RUNX2: variants seen among roughly 807,000 people sequenced by gnomAD.
The protein encoded by RUNX2 is RUNX family transcription factor 2, also known as runt-related transcription factor 2.
RUNX2 carries 10 observed loss-of-function variants against 51.7 expected under a neutral mutation model. That is an observed-to-expected ratio of 0.19 (90% CI 0.12 to 0.33). The LOEUF (loss-of-function observed/expected upper bound fraction) is 0.33. Among genes scored for constraint, RUNX2 ranks in the 10% least tolerant of loss-of-function variants. RUNX2 has a pLI of 1.00. For synonymous variants in RUNX2, 276 were observed against 273.6 expected, an observed-to-expected ratio of 1.01 and a Z score of -0.09; for missense variants, 562 against 691.3, an observed-to-expected ratio of 0.81 and a Z score of 2.10.
At chr6:45,413,331 G>GAC (rs149288886) in intron 2 of RUNX2, among the ~76,000 whole-genome samples, 7 of 150,902 alleles carry the variant, frequency 4.6e-5, no homozygotes, top group Non-Finnish European at 7.4e-5. Flanking sequence ...GTAAGCACAG[G>GAC]ACACACACAC....
At chr6:45,330,871 A>G in intron 2 of RUNX2, among the ~76,000 whole-genome samples, 1 of 151,970 alleles carries the variant, frequency 6.6e-6, no homozygotes, top group East Asian at 1.9e-4. Flanking sequence ...TGAGTAGTGG[A>G]CATCATGTAT....
chr6:45,547,988 T>C lies in RUNX2; in HGVS notation c.*683T>C, dbSNP rs1802457626. The C allele has an allele frequency of 6.6e-6, 1 of 151,866 alleles. No individual in the cohort carries two copies. Among genetic ancestry groups the C allele is most frequent in the Non-Finnish European group, 1.5e-5 (1 of 67,990 alleles). The allele number at this position is 151,866 out of a possible 1,614,324, so 9.4% of individuals were successfully genotyped here. On this transcript the variant is annotated 3_prime_UTR_variant, in exon 9 of 9. Transcript: ENST00000647337. ...TTATTTTACTTTTTAACACTCCTTC[T>C]CCCCTTTTCCCACTGAACCAAAAAG...
In RUNX2 at chr6:45,441,455, C is replaced by A. The variant is rs1409512579; in HGVS notation, c.685+3404C>A. ...CATCTTTTATGTGAGAATGATAATA[C>A]CTTCCTCATCAGTTGCTGCAAGAAT... On this transcript the variant is annotated intron_variant, in intron 5 of 8. Coordinates refer to ENST00000647337, the MANE Select transcript of RUNX2 (RefSeq NM_001024630.4). Among the ~76,000 whole-genome samples the A allele has an allele frequency of 2.0e-5, 3 of 152,178 alleles. No homozygotes were observed. In the East Asian group the frequency reaches 5.8e-4, roughly 29 times the overall value.
chr6:45,362,407 G>A (rs1197529430), intron 2 of RUNX2, among the ~76,000 whole-genome samples: 1 of 152,102 alleles, frequency 6.6e-6, no homozygotes, highest in South Asian at 2.1e-4. Flanking sequence ...GCAGCAGTAG[G>A]GAGTCACAGA....
intron 5 of RUNX2, among the ~76,000 whole-genome samples, chr6:45,466,269 C>T (rs1200882907): frequency 5.9e-5 from 9 of 151,542 alleles, no homozygotes; most frequent in Non-Finnish European, 1.0e-4. Context: ...GCCGAGATCC[C>T]GCCATTGCAC....
In RUNX2 at chr6:45,381,405, T is replaced by G. The variant is rs1797238571; in HGVS notation, c.59-41188T>G. Among the ~76,000 whole-genome samples, 6 of 152,322 alleles carry G rather than the reference T, an allele frequency of 3.9e-5. No individual in the cohort carries two copies. The South Asian group carries it at 1.2e-3, about 32-fold the overall frequency. On this transcript the variant is annotated intron_variant, in intron 2 of 8. Coordinates refer to ENST00000647337, the MANE Select transcript of RUNX2 (RefSeq NM_001024630.4). ...AATTTCAGCATTTGTGCTACAAAAA[T>G]TACAAAAGTATTCAGGGCTTTTCTT...
intron 6 of RUNX2, among the ~76,000 whole-genome samples, chr6:45,509,036 T>C (rs1270218580): frequency 6.6e-6 from 1 of 152,184 alleles, no homozygotes; most frequent in Non-Finnish European, 1.5e-5. Context: ...TTAATATTTA[T>C]TTTTAATAAT....
chr6:45,502,644 G>A (rs1400825302), intron 6 of RUNX2, among the ~76,000 whole-genome samples: 2 of 152,190 alleles, frequency 1.3e-5, no homozygotes, highest in African/African-American at 4.8e-5. Flanking sequence ...CGAAGCCTGA[G>A]TGCAGCCCCT....
At chr6:45,444,819 C>T (rs1798945205) in intron 5 of RUNX2, among the ~76,000 whole-genome samples, 4 of 152,134 alleles carry the variant, frequency 2.6e-5, no homozygotes, top group Non-Finnish European at 2.9e-5. Context: ...TACGCTGTTC[C>T]ACCTAGTTCT....
intron 6 of RUNX2, among the ~76,000 whole-genome samples, chr6:45,507,745 G>A (rs190296750): frequency 1.3e-5 from 2 of 152,246 alleles, no homozygotes; most frequent in Non-Finnish European, 2.9e-5. Flanking sequence ...GGATATCAAC[G>A]TGACTAACAC....
chr6:45,506,614 G>A (rs1002388526), intron 6 of RUNX2, among the ~76,000 whole-genome samples: 1 of 152,036 alleles, frequency 6.6e-6, no homozygotes, highest in African/African-American at 2.4e-5. Flanking sequence ...ATGAATTATA[G>A]TTTTTAAAAA....
chr6:45,366,894 T>C (rs1435669055), intron 2 of RUNX2, among the ~76,000 whole-genome samples: 1 of 152,170 alleles, frequency 6.6e-6, no homozygotes, highest in Non-Finnish European at 1.5e-5. Flanking sequence ...ATCTTCTATC[T>C]CCATCTCAGT....
intron 5 of RUNX2, among the ~76,000 whole-genome samples, chr6:45,441,224 T>G (rs1798833697): frequency 6.6e-6 from 1 of 152,218 alleles, no homozygotes; most frequent in Non-Finnish European, 1.5e-5. Flanking sequence ...CGGTTCCTGT[T>G]GTTGGAATTT....
intron 7 of RUNX2, among the ~76,000 whole-genome samples, chr6:45,523,080 C>G (rs923989377): frequency 2.6e-5 from 4 of 152,070 alleles, no homozygotes; most frequent in Admixed American, 2.6e-4. Flanking sequence ...ATAGTCTTGA[C>G]AGGTCTATTA....
intron 2 of RUNX2, among the ~76,000 whole-genome samples, chr6:45,386,947 T>A (rs1216362311): frequency 6.6e-6 from 1 of 152,160 alleles, no homozygotes; most frequent in Non-Finnish European, 1.5e-5. Flanking sequence ...TGCTTTTTAG[T>A]TGACAGTAAT....
chr6:45,338,554 T>C (rs1216115429), intron 2 of RUNX2, among the ~76,000 whole-genome samples: 2 of 152,048 alleles, frequency 1.3e-5, no homozygotes, highest in Non-Finnish European at 2.9e-5. Context: ...ACCAAGTGTA[T>C]TTCAGTGTCA....
intron 5 of RUNX2, among the ~76,000 whole-genome samples, chr6:45,474,687 T>A (rs1271195918): frequency 2.0e-5 from 3 of 152,164 alleles, no homozygotes; most frequent in African/African-American, 7.2e-5. Flanking sequence ...TCATTTCTTA[T>A]CCTAGAGGAA....
At chr6:45,443,063 T>TG (rs1491016766) in intron 5 of RUNX2, among the ~76,000 whole-genome samples, 1 of 105,296 alleles carries the variant, frequency 9.5e-6, no homozygotes, top group African/African-American at 3.6e-5. Context: ...TTTTTTTTTT[T>TG]TGAGATGAGG....
chr6:45,386,895 G>T (rs954678451), intron 2 of RUNX2, among the ~76,000 whole-genome samples: 2 of 152,060 alleles, frequency 1.3e-5, no homozygotes, highest in African/African-American at 4.8e-5. Flanking sequence ...AATAAAAGAT[G>T]GTGAGCCTTG....
Sources: gnomAD v4.1 joint callset for allele counts (sites outside exome capture counted in the v4.1 genomes callset) on GRCh38, gnomAD v4.1.1 for gene constraint, MANE v1.5 for transcripts, NCBI Gene and HGNC (gene_info 2026-07-23, HGNC 2026-07-21) for gene names.